FUBP3: variants seen among roughly 807,000 people sequenced by gnomAD.
The protein encoded by FUBP3 is far upstream element binding protein 3.
Under a neutral mutation model 85.6 loss-of-function variants are expected in FUBP3, and 28 were observed. The observed-to-expected ratio is 0.33, with a 90% CI of 0.24 to 0.45. The LOEUF (loss-of-function observed/expected upper bound fraction) is 0.45. Ranked by LOEUF, FUBP3 falls within the 20% of genes least tolerant of loss-of-function variation. FUBP3 has a pLI of 1.00. For missense variants in FUBP3, 583 were observed against 755.1 expected (o/e 0.77, Z 2.67); for synonymous variants, 271 against 271.4 (o/e 1.00, Z 0.01).
chr9:130,580,066 C>T (rs559016820), intron 1 of FUBP3, among the ~76,000 whole-genome samples: 18 of 152,262 alleles, frequency 1.2e-4, no homozygotes, highest in African/African-American at 4.1e-4. Context: ...GTAGCTAGCG[C>T]GGGGTTCTGA....
At chr9:130,626,621 C>A in intron 12 of FUBP3, 116 bp downstream of exon 12, 1 of 1,086,768 alleles carries the variant, frequency 9.2e-7, no homozygotes, top group Non-Finnish European at 1.3e-6. Context: ...GCTGGGGCTG[C>A]CCGGTCTGGA....
intron 2 of FUBP3, among the ~76,000 whole-genome samples, chr9:130,597,749 T>C (rs2119032174): frequency 6.6e-6 from 1 of 152,332 alleles, no homozygotes; most frequent in East Asian, 1.9e-4. Context: ...ACAATATGTG[T>C]AATCCTGTTA....
At chr9:130,634,528 C>T in intron 16 of FUBP3, 139 bp from the exon 17 acceptor site, 1 of 640,992 alleles carries the variant, frequency 1.6e-6, no homozygotes, top group Admixed American at 2.7e-5. Flanking sequence ...GCTGCCACCT[C>T]CTTCCCAGGC....
At chr9:130,631,286 T>C in intron 13 of FUBP3, 1 of 1,329,056 alleles carries the variant, frequency 7.5e-7, no homozygotes, top group South Asian at 2.1e-5. Flanking sequence ...GACGGGAGAG[T>C]CAAGCAGGTT....
chr9:130,608,767 C>T (rs533418302), intron 2 of FUBP3, among the ~76,000 whole-genome samples: 2 of 152,282 alleles, frequency 1.3e-5, no homozygotes, highest in South Asian at 4.1e-4. Context: ...TTAGTAGCTT[C>T]GTTTGCTTTT....
At chr9:130,594,731 C>A (rs1830781703) in intron 1 of FUBP3, among the ~76,000 whole-genome samples, 1 of 152,122 alleles carries the variant, frequency 6.6e-6, no homozygotes. Flanking sequence ...TGCACTCCAG[C>A]CTGGATGACA....
chr9:130,635,841 G>A lies in FUBP3; in HGVS notation c.1583-158G>A. On this transcript the variant is annotated intron_variant, in intron 17 of 18. Coordinates refer to ENST00000319725, the MANE Select transcript of FUBP3 (RefSeq NM_003934.2). The surrounding 1 kb of genome is among the most constrained non-coding windows in gnomAD (Gnocchi z 4.3). The stretch of plus-strand genomic sequence containing the variant: ...CAAGAGGCTAACAGCACCTTTTGTA[G>A]CAAGCGCTCCTGCAACACCAGCCTC... 1 of 696,240 alleles carries A rather than the reference G, an allele frequency of 1.4e-6. No individual in the cohort carries two copies. Among genetic ancestry groups the A allele is most frequent in the Non-Finnish European group, 2.4e-6 (1 of 414,606 alleles). The allele number at this position is 696,240 out of a possible 1,614,324, so 43.1% of individuals were successfully genotyped here.
At chr9:130,593,922 G>A (rs1275955636) in intron 1 of FUBP3, among the ~76,000 whole-genome samples, 1 of 152,214 alleles carries the variant, frequency 6.6e-6, no homozygotes, top group East Asian at 1.9e-4. Flanking sequence ...TTTCTGGGGG[G>A]AAATTTTTAA....
rs971183392 is a variant in FUBP3 at position 130,634,670 on chromosome 9, AGCAGAGCCAGCC to A, written c.1522_1533del (p.Gln508_Ser511del). On this transcript the variant is annotated inframe_deletion, in exon 17 of 19. Coordinates refer to ENST00000319725, the MANE Select transcript of FUBP3 (RefSeq NM_003934.2). ...TGCTTTTGTGTTCTTCGCACAGGCC[AGCAGAGCCAGCC>A]GCAGAGCAGCCAGCCCAACTACAGC... 3 of 1,613,392 alleles carry A rather than the reference AGCAGAGCCAGCC, an allele frequency of 1.9e-6. No homozygotes were observed. The highest frequency in any genetic ancestry group is 2.2e-5 in the South Asian group (2 of 91,028).
chr9:130,584,088 G>A (rs1280833849), intron 1 of FUBP3, among the ~76,000 whole-genome samples: 1 of 151,984 alleles, frequency 6.6e-6, no homozygotes, highest in Non-Finnish European at 1.5e-5. Context: ...CCAAACTTTG[G>A]TTTCTTCTGA....
intron 2 of FUBP3, among the ~76,000 whole-genome samples, chr9:130,595,991 A>G (rs1310368019): frequency 1.3e-5 from 2 of 152,240 alleles, no homozygotes; most frequent in African/African-American, 4.8e-5. Flanking sequence ...TTAAAGAAAG[A>G]GAAGAATGGT....
chr9:130,594,998 G>A (rs1249961766), intron 1 of FUBP3, among the ~76,000 whole-genome samples: 1 of 151,796 alleles, frequency 6.6e-6, no homozygotes, highest in Admixed American at 6.6e-5. Context: ...AGGCCAAGGG[G>A]GGCAGATCAC....
intron 6 of FUBP3, among the ~76,000 whole-genome samples, chr9:130,615,472 T>C (rs1588145714): frequency 6.6e-6 from 1 of 152,212 alleles, no homozygotes; most frequent in Non-Finnish European, 1.5e-5. Flanking sequence ...CTAGCCTGTT[T>C]AGTAGCTGAA....
intron 2 of FUBP3, among the ~76,000 whole-genome samples, chr9:130,596,891 A>G (rs1429136978): frequency 2.6e-5 from 4 of 152,138 alleles, no homozygotes; most frequent in African/African-American, 9.7e-5. Context: ...CCATCCCCTC[A>G]AGCATTTATC....
In FUBP3 at chr9:130,630,670, ACGTG is replaced by A; in HGVS notation, c.1161_1164del (p.His387GlnfsTer34). ...AGCATCAACCAGCAGTCAGGGGCGC[ACGTG>A]GAGCTTCAGAGGAACCCCCCTCCCA... is the stretch of plus-strand genomic sequence containing the variant. On this transcript the variant is annotated frameshift_variant, in exon 13 of 19. Transcript: ENST00000319725. LOFTEE classifies it high-confidence loss of function. The A allele has an allele frequency of 6.2e-7, 1 of 1,601,490 alleles. No individual in the cohort carries two copies. The highest frequency in any genetic ancestry group is 8.5e-7 in the Non-Finnish European group (1 of 1,174,116).
At chr9:130,606,794 T>G (rs1428437520) in intron 2 of FUBP3, among the ~76,000 whole-genome samples, 1 of 151,106 alleles carries the variant, frequency 6.6e-6, no homozygotes, top group African/African-American at 2.4e-5. Flanking sequence ...CACTCCAGCC[T>G]GGGCAAGAAG....
At chr9:130,607,241 G>A (rs1177388170) in intron 2 of FUBP3, among the ~76,000 whole-genome samples, 1 of 151,840 alleles carries the variant, frequency 6.6e-6, no homozygotes, top group African/African-American at 2.4e-5. Flanking sequence ...CAAAGTGCTG[G>A]GATTACAGGC....
At chr9:130,609,481 C>T (rs1831635604) in intron 2 of FUBP3, among the ~76,000 whole-genome samples, 1 of 152,114 alleles carries the variant, frequency 6.6e-6, no homozygotes. Flanking sequence ...GGCGTCTCCT[C>T]CCCCGTGGCC....
At chr9:130,587,145 A>C (rs1016802034) in intron 1 of FUBP3, among the ~76,000 whole-genome samples, 2 of 149,658 alleles carry the variant, frequency 1.3e-5, no homozygotes, top group African/African-American at 4.9e-5. Context: ...GCTCACTGCA[A>C]CCTCCGCCTC....
Sources: gnomAD v4.1 joint callset for allele counts (sites outside exome capture counted in the v4.1 genomes callset) on GRCh38, gnomAD v4.1.1 for gene constraint, Gnocchi (gnomAD v3.1) non-coding constraint, MANE v1.5 for transcripts, NCBI Gene and HGNC (gene_info 2026-07-23, HGNC 2026-07-21) for gene names.